The following EYS variants were observed in gnomAD, a reference collection of about 807,000 sequenced individuals.
EYS encodes the protein EGF-like photoreceptor maintenance factor.
Under a neutral mutation model 282.1 loss-of-function variants are expected in EYS, and 250 were observed. That is an observed-to-expected ratio of 0.89 (90% CI 0.80 to 0.98). The LOEUF is 0.98. Ranked by LOEUF, EYS falls within the 50% of genes least tolerant of loss-of-function variation. The pLI is 0.00. For missense variants in EYS, 4,016 were observed against 3,709.0 expected (o/e 1.08, Z -2.15); for synonymous variants, 1,355 against 1,282.9 (o/e 1.06, Z -1.20).
chr6:63,758,472 C>T (rs752623054), intron 41 of EYS, among the ~76,000 whole-genome samples: 11 of 151,866 alleles, frequency 7.2e-5, no homozygotes, highest in South Asian at 2.1e-4. Context: ...CTGTAGGAGG[C>T]GACTAATACT....
At chr6:63,798,944 T>G (rs1770706833) in intron 37 of EYS, among the ~76,000 whole-genome samples, 1 of 140,650 alleles carries the variant, frequency 7.1e-6, no homozygotes, top group African/African-American at 2.8e-5. Flanking sequence ...TTCTAAAATA[T>G]ATATATATAT....
intron 30 of EYS, among the ~76,000 whole-genome samples, chr6:64,270,237 T>C (rs1767897389): frequency 1.3e-5 from 2 of 152,148 alleles, no homozygotes; most frequent in Non-Finnish European, 2.9e-5. Context: ...CTTCTCATTT[T>C]AGTGTAGTTG....
At chr6:65,091,271 T>TAAAAAAAAAAAAAAAAAA (rs397887871) in intron 12 of EYS, among the ~76,000 whole-genome samples, 1 of 56,418 alleles carries the variant, frequency 1.8e-5, no homozygotes, top group Non-Finnish European at 3.3e-5. Flanking sequence ...CCATCTCCCC[T>TAAAAAAAAAAAAAAAAAA]AAAAAAAAAA....
At chr6:64,809,983 T>C (rs865967213) in intron 22 of EYS, among the ~76,000 whole-genome samples, 6 of 152,058 alleles carry the variant, frequency 3.9e-5, no homozygotes, top group Non-Finnish European at 7.4e-5. Context: ...TTGAAAATGT[T>C]GAAATTTTTA....
At chr6:64,840,931 A>C (rs1398138615) in intron 19 of EYS, among the ~76,000 whole-genome samples, 1 of 152,150 alleles carries the variant, frequency 6.6e-6, no homozygotes, top group Non-Finnish European at 1.5e-5. Context: ...AGAACTACAC[A>C]GCACACAGCA....
Position 64,912,574 on chromosome 6 carries a change from T to TGGTGGCACACC in EYS, c.2550_2551insGGTGTGCCACC (p.Asn851GlyfsTer21). ...GGGTTATGAAGTAGGTCACAAAGGT[T>TGGTGGCACACC]ATAGCGTTGGTGGCAAAATTGTCCA... On this transcript the variant is annotated frameshift_variant, in exon 16 of 43. Coordinates refer to ENST00000503581, the MANE Select transcript of EYS (RefSeq NM_001142800.2). LOFTEE classifies it high-confidence loss of function. 6.4e-7 allele frequency: 1 copy of TGGTGGCACACC among 1,551,292 alleles called. No homozygotes were observed.
chr6:64,759,047 G>C (rs2149977006), intron 22 of EYS, among the ~76,000 whole-genome samples: 1 of 152,286 alleles, frequency 6.6e-6, no homozygotes, highest in South Asian at 2.1e-4. Flanking sequence ...GCTGAGGCAG[G>C]AGAATGGCGT....
chr6:65,099,830 C>T (rs1053009689), intron 12 of EYS, among the ~76,000 whole-genome samples: 1 of 150,570 alleles, frequency 6.6e-6, no homozygotes, highest in African/African-American at 2.4e-5. Flanking sequence ...TTTGGTAATT[C>T]TCAATAACTT....
intron 5 of EYS, among the ~76,000 whole-genome samples, chr6:65,450,890 A>C (rs2150401536): frequency 6.6e-6 from 1 of 152,240 alleles, no homozygotes; most frequent in East Asian, 1.9e-4. Flanking sequence ...AAAATTTCTG[A>C]GAAACTCAAA....
chr6:64,308,145 A>G (rs1353837526), intron 29 of EYS, among the ~76,000 whole-genome samples: 1 of 152,012 alleles, frequency 6.6e-6, no homozygotes, highest in Non-Finnish European at 1.5e-5. Context: ...CATTAAGAAG[A>G]ATTGCTCTTC....
chr6:64,368,921 G>A (rs552672486), intron 29 of EYS, among the ~76,000 whole-genome samples: 42 of 152,070 alleles, frequency 2.8e-4, no homozygotes, highest in Non-Finnish European at 4.4e-4. Flanking sequence ...GGTCCCATTT[G>A]TCAGCTTTTG....
Position 65,344,139 on chromosome 6 carries a change from A to C in EYS, c.1498T>G (p.Tyr500Asp). 6.2e-7 allele frequency: 1 copy of C among 1,610,448 alleles called. No individual in the cohort carries two copies. The highest frequency in any genetic ancestry group is 8.5e-7 in the Non-Finnish European group (1 of 1,177,596). Residue 500 changes from tyrosine to aspartate, a missense_variant, in exon 10 of 43, where the codon TAT becomes GAT. By Grantham distance (160) the Tyr-to-Asp change is radical. Coordinates refer to ENST00000503581, the MANE Select transcript of EYS (RefSeq NM_001142800.2). ...GTGCAGTTTGCAGCCAGAAAGAAAT[A>C]GGCATCAATAACCCCTTGGCACTTT... Reference protein sequence around the residue: ...GEKCQGVIDAYFFLAANCTED... With the variant: ...GEKCQGVIDADFFLAANCTED...
Position 64,436,273 on chromosome 6 carries a change from G to T in EYS, c.5836-8C>A. 2 of 1,511,680 alleles carry T rather than the reference G, an allele frequency of 1.3e-6. No individual in the cohort carries two copies. The highest frequency in any genetic ancestry group is 1.4e-5 in the African/African-American group (1 of 71,816). 93.6% of individuals were successfully genotyped at this position (1,511,680 alleles called of 1,614,324 possible). A position where few individuals can be genotyped will look rare whatever the true frequency, so the allele number is the denominator to read the frequency against. On this transcript the variant is annotated splice_region_variant and splice_polypyrimidine_tract_variant and intron_variant, in intron 27 of 42. Transcript: ENST00000503581. Reference sequence around the variant, plus strand: ...AGGACAGTAAAAGTGGTACTGTTGGGGGAAAAAATTTTGTCCTCAAACAGT... The same window carrying T: ...AGGACAGTAAAAGTGGTACTGTTGGTGGAAAAAATTTTGTCCTCAAACAGT...
chr6:65,253,465 G>C (rs529391546), intron 12 of EYS, among the ~76,000 whole-genome samples: 3 of 151,842 alleles, frequency 2.0e-5, no homozygotes, highest in South Asian at 4.1e-4. Context: ...TCCTTTAACT[G>C]TTTTATGACC....
rs116729963 is a variant in EYS at position 64,471,033 on chromosome 6, T to C, written c.5645-31681A>G. 3.4e-3 allele frequency among the ~76,000 whole-genome samples: 521 copies of C among 152,196 alleles called. 5 individuals carry two copies. Among genetic ancestry groups the C allele is most frequent in the African/African-American group, 0.012 (490 of 41,534 alleles). On this transcript the variant is annotated intron_variant, in intron 26 of 42. Transcript: ENST00000503581. ...AAAAGCCTTCTTCCAAGGGACACTA[T>C]TGTCATACTGTCAAAAGTCAAAGAC...
chr6:65,670,720 C>G (rs1298173743), intron 1 of EYS, among the ~76,000 whole-genome samples: 8 of 152,004 alleles, frequency 5.3e-5, no homozygotes, highest in African/African-American at 1.9e-4. Flanking sequence ...AATTTCTCTT[C>G]TTTTCCAAAA....
At chr6:64,649,280 A>G (rs970325487) in intron 22 of EYS, among the ~76,000 whole-genome samples, 1 of 139,394 alleles carries the variant, frequency 7.2e-6, no homozygotes, top group Admixed American at 7.4e-5. Flanking sequence ...TGTTAAATCC[A>G]TACTTGTAAC....
intron 12 of EYS, among the ~76,000 whole-genome samples, chr6:65,247,360 G>C (rs963575548): frequency 7.2e-5 from 11 of 151,948 alleles, no homozygotes. Flanking sequence ...AGTTTCCTCT[G>C]ATAACTTTCT....
intron 19 of EYS, among the ~76,000 whole-genome samples, chr6:64,837,347 T>C (rs1030111573): frequency 1.3e-5 from 2 of 151,292 alleles, no homozygotes; most frequent in Non-Finnish European, 3.0e-5. Flanking sequence ...ATAAAGGTCA[T>C]ATATGACAAA....
Sources: gnomAD v4.1 joint callset for allele counts (sites outside exome capture counted in the v4.1 genomes callset) on GRCh38, gnomAD v4.1.1 for gene constraint, MANE v1.5 for transcripts, NCBI Gene and HGNC (gene_info 2026-07-23, HGNC 2026-07-21) for gene names.